FLI1: variants seen among roughly 807,000 people sequenced by gnomAD.
FLI1 encodes the protein Friend leukemia integration 1 transcription factor.
A neutral mutation model predicts 53.1 loss-of-function variants in FLI1; 13 were observed. That is an observed-to-expected ratio of 0.24 (90% CI 0.16 to 0.39). The LOEUF is 0.39. Among genes scored for constraint, FLI1 ranks in the 10% least tolerant of loss-of-function variants. FLI1 has a pLI of 1.00. For synonymous variants in FLI1, 244 were observed against 236.7 expected, an observed-to-expected ratio of 1.03 and a Z score of -0.28; for missense variants, 424 against 600.5, an observed-to-expected ratio of 0.71 and a Z score of 3.07.
intron 1 of FLI1, among the ~76,000 whole-genome samples, chr11:128,724,113 G>T (rs1939369330): frequency 6.6e-6 from 1 of 151,784 alleles, no homozygotes; most frequent in Non-Finnish European, 1.5e-5. Context: ...AGGCTAAGTT[G>T]TTTGTATTTT....
At chr11:128,724,643 C>T (rs1466925257) in intron 1 of FLI1, among the ~76,000 whole-genome samples, 1 of 152,100 alleles carries the variant, frequency 6.6e-6, no homozygotes, top group Non-Finnish European at 1.5e-5. Flanking sequence ...TCATGGGACC[C>T]TAAATAAGTT....
chr11:128,763,058 G>A (rs533433342), intron 2 of FLI1, among the ~76,000 whole-genome samples: 2 of 152,166 alleles, frequency 1.3e-5, no homozygotes. Flanking sequence ...GATTCACAGT[G>A]CATTTTTTCT....
intron 5 of FLI1, among the ~76,000 whole-genome samples, chr11:128,801,155 G>A (rs1248470646): frequency 6.6e-6 from 1 of 152,174 alleles, no homozygotes; most frequent in South Asian, 2.1e-4. Context: ...CACCACATTC[G>A]AGAGGGCCTC....
At chr11:128,790,044 ATG>A (rs3222797) in intron 5 of FLI1, among the ~76,000 whole-genome samples, 58,835 of 148,166 alleles carry the variant, frequency 0.4, 12,662 homozygotes, top group African/African-American at 0.6. Flanking sequence ...TGATTGCTGG[ATG>A]TGTGTGTGTG....
chr11:128,759,275 C>T (rs1003394661), intron 2 of FLI1, among the ~76,000 whole-genome samples: 6 of 152,206 alleles, frequency 3.9e-5, no homozygotes, highest in African/African-American at 9.7e-5. Context: ...AGGCTGAAAA[C>T]ATGTGCCATT....
At chr11:128,740,296 C>T (rs552769355) in intron 1 of FLI1, among the ~76,000 whole-genome samples, 9 of 152,350 alleles carry the variant, frequency 5.9e-5, no homozygotes, top group African/African-American at 2.2e-4. Flanking sequence ...GTTGTCACGA[C>T]AAATTATGGT....
At chr11:128,795,335 G>A (rs1374850412) in intron 5 of FLI1, among the ~76,000 whole-genome samples, 1 of 152,100 alleles carries the variant, frequency 6.6e-6, no homozygotes, top group Non-Finnish European at 1.5e-5. Context: ...AGATTACCTT[G>A]TGGTCTTTAA....
rs1565498515 is a variant in FLI1 at position 128,784,069 on chromosome 11, C to T, written c.655+2046C>T. Among the ~76,000 whole-genome samples, 3 of 152,144 alleles carry T rather than the reference C, an allele frequency of 2.0e-5. No homozygotes were observed. The South Asian group carries it at 6.2e-4, about 32-fold the overall frequency. ...TGAGTTCGGATTTTTGTAAGTTTCT[C>T]CAACACTTCAGGCTACAACCTGCTA... On this transcript the variant is annotated intron_variant, in intron 5 of 8. Coordinates refer to ENST00000527786, the MANE Select transcript of FLI1 (RefSeq NM_002017.5).
chr11:128,688,698 T>C (rs543040888), intron 1 of FLI1, among the ~76,000 whole-genome samples: 12 of 151,954 alleles, frequency 7.9e-5, no homozygotes, highest in Admixed American at 5.2e-4. Context: ...AAGGAGGTAA[T>C]TGCCCACATA....
intron 1 of FLI1, among the ~76,000 whole-genome samples, chr11:128,697,718 T>G (rs531345599): frequency 9.8e-5 from 15 of 152,310 alleles, no homozygotes; most frequent in African/African-American, 3.4e-4. Context: ...GGTCAGAAAA[T>G]TAGAACACAG....
At chr11:128,808,315 G>T (rs1189994549) in intron 7 of FLI1, among the ~76,000 whole-genome samples, 2 of 152,052 alleles carry the variant, frequency 1.3e-5, no homozygotes, top group African/African-American at 4.8e-5. Flanking sequence ...TTGAAAAATA[G>T]CAAAATTTTA....
In FLI1 at chr11:128,807,197, G is replaced by T. The variant is rs370779379; in HGVS notation, c.739G>T (p.Ala247Ser). 6.3e-7 allele frequency: 1 copy of T among 1,598,460 alleles called. No individual in the cohort carries two copies. Among genetic ancestry groups the T allele is most frequent in the Admixed American group, 1.7e-5 (1 of 58,072 alleles). ...TGCCACAGGTCCTCCCCTTGGAGGG[G>T]CACAAACGATCAGTAAGAATACAGA... ...GLNKSPPLGG[A>S]QTISKNTEQR... is the part of the protein sequence containing the mutation. The change falls in exon 7 of 9, where the codon GCA becomes TCA. Residue 247 changes from alanine (A) to serine (S), a missense_variant. Physicochemically the swap from Ala to Ser is moderately conservative, Grantham distance 99 (BLOSUM62 1). Around this residue, in one of 5 missense-constraint regions of FLI1, gnomAD observed 114 missense variants for 117.9 expected, o/e 0.97. Transcript: ENST00000527786.
rs567959020 is a variant in FLI1 at position 128,808,229 on chromosome 11, G to A, written c.782-928G>A. ...GAAAAGATGGTCTCAATGGGCTTAA[G>A]GACTTTTGAAGGTAATTTATGGTTC... On this transcript the variant is annotated intron_variant, in intron 7 of 8. Transcript: ENST00000527786. 1.1e-4 allele frequency among the ~76,000 whole-genome samples: 17 copies of A among 152,246 alleles called. No homozygotes were observed. The East Asian group carries it at 2.9e-3, about 26-fold the overall frequency.
At chr11:128,739,992 C>T (rs556783976) in intron 1 of FLI1, among the ~76,000 whole-genome samples, 80 of 152,308 alleles carry the variant, frequency 5.3e-4, no homozygotes, top group Non-Finnish European at 2.8e-4. Flanking sequence ...TCTCTCATCC[C>T]CACGTGTGAG....
At chr11:128,734,125 A>C (rs1195824618) in intron 1 of FLI1, among the ~76,000 whole-genome samples, 1 of 152,246 alleles carries the variant, frequency 6.6e-6, no homozygotes, top group African/African-American at 2.4e-5. Context: ...CCATTTGCCA[A>C]AGATTTGACT....
chr11:128,767,288 G>A (rs1941379644), intron 2 of FLI1, among the ~76,000 whole-genome samples: 1 of 152,216 alleles, frequency 6.6e-6, no homozygotes, highest in Admixed American at 6.5e-5. Flanking sequence ...GATGCAAAAT[G>A]CCACAGGGCC....
chr11:128,688,520 G>C (rs924585353), intron 1 of FLI1, among the ~76,000 whole-genome samples: 1 of 152,200 alleles, frequency 6.6e-6, no homozygotes, highest in South Asian at 2.1e-4. Context: ...CCCTGCCGTT[G>C]TCCGGCAGGC....
intron 1 of FLI1, among the ~76,000 whole-genome samples, chr11:128,733,755 G>A (rs942317971): frequency 6.6e-6 from 1 of 152,220 alleles, no homozygotes; most frequent in Admixed American, 6.5e-5. Flanking sequence ...GTGCCCATCT[G>A]CCTTTGTCTA....
At chr11:128,767,659 T>G (rs1941395098) in intron 2 of FLI1, among the ~76,000 whole-genome samples, 1 of 152,222 alleles carries the variant, frequency 6.6e-6, no homozygotes, top group Non-Finnish European at 1.5e-5. Flanking sequence ...GACTATCCTC[T>G]CAAGAACTCA....
Sources: gnomAD v4.1 joint callset for allele counts (sites outside exome capture counted in the v4.1 genomes callset) on GRCh38, gnomAD v4.1.1 for gene constraint, gnomAD v4.1.1 regional missense constraint, MANE v1.5 for transcripts, NCBI Gene and HGNC (gene_info 2026-07-23, HGNC 2026-07-21) for gene names.